Variants in SORCS3 observed in about 807,000 individuals in gnomAD.
SORCS3 encodes VPS10 domain-containing receptor SorCS3.
In SORCS3, 57 loss-of-function variants were observed where a neutral mutation model predicts 146.3. The observed-to-expected ratio is 0.39, with a 90% CI of 0.31 to 0.49. SORCS3 has a LOEUF of 0.49. Among genes scored for constraint, SORCS3 ranks in the 20% least tolerant of loss-of-function variants. The pLI is 0.92. For synonymous variants in SORCS3, 653 were observed against 618.5 expected (o/e 1.06, Z -0.83); for missense variants, 1,341 against 1,575.5 (o/e 0.85, Z 2.52).
intron 7 of SORCS3, among the ~76,000 whole-genome samples, chr10:105,125,266 C>A (rs563060509): frequency 2.0e-5 from 3 of 152,264 alleles, no homozygotes; most frequent in South Asian, 4.1e-4. Flanking sequence ...TATTGAATAA[C>A]CTGTAATTCT....
intron 22 of SORCS3, among the ~76,000 whole-genome samples, chr10:105,251,582 CA>C (rs2056898555): frequency 6.6e-6 from 1 of 151,804 alleles, no homozygotes. Flanking sequence ...TAGAGATAGT[CA>C]GGGGGCACTT....
At chr10:105,131,780 A>C (rs992885892) in intron 7 of SORCS3, among the ~76,000 whole-genome samples, 1 of 152,126 alleles carries the variant, frequency 6.6e-6, no homozygotes, top group Non-Finnish European at 1.5e-5. Flanking sequence ...AGGAGAAGCA[A>C]GAGAAGAGAG....
At position 105,257,056 on chromosome 10, in the gene SORCS3, G is replaced by A. The variant is rs557895308; in HGVS notation, c.3443+132G>A. 70 of 698,748 alleles carry A rather than the reference G, an allele frequency of 1.0e-4. 1 individual carries two copies. The highest frequency in any genetic ancestry group is 9.5e-4 in the South Asian group (55 of 58,016). The allele number at this position is 698,748 out of a possible 1,614,324, so 43.3% of individuals were successfully genotyped here. ...CTCCTTGAACTTCTGTTTGACAATG[G>A]GTAAAAGCAAGAATGGTTGAGGGTC... On this transcript the variant is annotated intron_variant, in intron 25 of 26. Coordinates refer to ENST00000369701, the MANE Select transcript of SORCS3 (RefSeq NM_014978.3).
chr10:105,049,253 T>C (rs1194351976), intron 5 of SORCS3, among the ~76,000 whole-genome samples: 3 of 152,100 alleles, frequency 2.0e-5, no homozygotes, highest in Non-Finnish European at 4.4e-5. Flanking sequence ...CGAGTCTTCC[T>C]AAAACTCCTC....
At chr10:104,987,467 T>G (rs1564729088) in intron 4 of SORCS3, among the ~76,000 whole-genome samples, 1 of 152,212 alleles carries the variant, frequency 6.6e-6, no homozygotes, top group African/African-American at 2.4e-5. Context: ...GCTTTAGATG[T>G]GAATGGGGCT....
chr10:104,814,802 AG>A (rs1211468734), intron 1 of SORCS3, among the ~76,000 whole-genome samples: 1 of 152,228 alleles, frequency 6.6e-6, no homozygotes, highest in Non-Finnish European at 1.5e-5. Context: ...ATTTGCTTCA[AG>A]ACCTATGCCA....
At chr10:105,199,015 G>T (rs1012413812) in intron 14 of SORCS3, among the ~76,000 whole-genome samples, 5 of 152,040 alleles carry the variant, frequency 3.3e-5, no homozygotes, top group African/African-American at 1.2e-4. Flanking sequence ...AATCTTGTAG[G>T]TGTCACCATA....
chr10:105,259,048 C>T (rs2056946114), intron 25 of SORCS3, among the ~76,000 whole-genome samples: 1 of 152,090 alleles, frequency 6.6e-6, no homozygotes, highest in Admixed American at 6.5e-5. Flanking sequence ...ATGGAGTGTA[C>T]CTGGCTCACA....
intron 2 of SORCS3, among the ~76,000 whole-genome samples, chr10:104,867,355 G>T (rs1351209457): frequency 6.6e-6 from 1 of 151,408 alleles, no homozygotes; most frequent in African/African-American, 2.4e-5. Context: ...TGTCGCCCAG[G>T]CTGGAGTGCA....
intron 20 of SORCS3, among the ~76,000 whole-genome samples, chr10:105,230,922 G>A (rs1564790496): frequency 1.3e-5 from 2 of 152,194 alleles, no homozygotes; most frequent in African/African-American, 4.8e-5. Flanking sequence ...AGTCTCCAGG[G>A]AGCTGCTTAT....
chr10:104,736,294 G>A (rs1192746563), intron 1 of SORCS3, among the ~76,000 whole-genome samples: 2 of 152,152 alleles, frequency 1.3e-5, no homozygotes, highest in Non-Finnish European at 2.9e-5. Context: ...ACGGCGGGGC[G>A]GGTTGAGGGG....
intron 17 of SORCS3, among the ~76,000 whole-genome samples, chr10:105,212,548 G>A (rs574505514): frequency 7.2e-5 from 11 of 152,166 alleles, no homozygotes; most frequent in Non-Finnish European, 1.3e-4. Context: ...TGTGACATGT[G>A]TAGGTAGACC....
intron 5 of SORCS3, among the ~76,000 whole-genome samples, chr10:105,056,371 T>G (rs1189617566): frequency 2.0e-5 from 3 of 152,176 alleles, no homozygotes; most frequent in Non-Finnish European, 4.4e-5. Flanking sequence ...GCACAAAATA[T>G]TTTGCCCCTC....
rs1392730121 is a variant in SORCS3 at position 105,072,669 on chromosome 10, T to G, written c.1029-17106T>G. Among the ~76,000 whole-genome samples, 3 of 143,518 alleles carry G rather than the reference T, an allele frequency of 2.1e-5. No homozygotes were observed. In the South Asian group the frequency reaches 6.6e-4, roughly 32 times the overall value. 94.2% of individuals were successfully genotyped at this position (143,518 alleles called of 152,430 possible). A position where few individuals can be genotyped will look rare whatever the true frequency, so the allele number is the denominator to read the frequency against. On this transcript the variant is annotated intron_variant, in intron 5 of 26. Transcript: ENST00000369701. ...TCTTTCTCTCTCTCTCTTTTTTTTT[T>G]TTTTTTTTTTTTTTTTTGGTGGTGA...
chr10:104,804,178 CA>C (rs953270925), intron 1 of SORCS3, among the ~76,000 whole-genome samples: 1 of 152,154 alleles, frequency 6.6e-6, no homozygotes, highest in African/African-American at 2.4e-5. Context: ...GACAAGTGTC[CA>C]GAAGATGAGC....
chr10:104,907,316 T>C (rs917356552), intron 2 of SORCS3, among the ~76,000 whole-genome samples: 2 of 152,186 alleles, frequency 1.3e-5, no homozygotes, highest in African/African-American at 4.8e-5. Flanking sequence ...ATGATACAAA[T>C]AGGTCTTTTG....
At chr10:104,928,164 G>T (rs192283688) in intron 3 of SORCS3, among the ~76,000 whole-genome samples, 1 of 152,268 alleles carries the variant, frequency 6.6e-6, no homozygotes, top group Non-Finnish European at 1.5e-5. Flanking sequence ...AAAGCCCAGG[G>T]ATGGAGTTAG....
chr10:104,651,195 A>G (rs114628328), intron 1 of SORCS3, among the ~76,000 whole-genome samples: 191 of 152,284 alleles, frequency 1.3e-3, no homozygotes, highest in African/African-American at 4.4e-3. Context: ...TGTTGCTTTC[A>G]GTGTTATTCA....
chr10:105,098,419 C>T (rs754306238), intron 6 of SORCS3, among the ~76,000 whole-genome samples: 8 of 152,132 alleles, frequency 5.3e-5, no homozygotes, highest in Non-Finnish European at 1.2e-4. Flanking sequence ...ACAACTTGCC[C>T]AAGGTCACAT....
Sources: gnomAD v4.1 joint callset for allele counts (sites outside exome capture counted in the v4.1 genomes callset) on GRCh38, gnomAD v4.1.1 for gene constraint, MANE v1.5 for transcripts, NCBI Gene and HGNC (gene_info 2026-07-23, HGNC 2026-07-21) for gene names.